RAD51C: variants seen among roughly 807,000 people sequenced by gnomAD.
The protein encoded by RAD51C is DNA repair protein RAD51 homolog 3.
Under a neutral mutation model 45.0 loss-of-function variants are expected in RAD51C, and 42 were observed. The observed-to-expected ratio is 0.93, with a 90% CI of 0.73 to 1.21. The LOEUF (loss-of-function observed/expected upper bound fraction) is 1.21, where lower values mean the gene tolerates loss of function less well. RAD51C is among the 50% of genes most tolerant of loss of function. RAD51C has a pLI of 0.00. For missense variants in RAD51C, 474 were observed against 452.2 expected (o/e 1.05, Z -0.44); for synonymous variants, 172 against 159.8 (o/e 1.08, Z -0.58).
At chr17:58,719,971 G>A (rs952388956) in intron 5 of RAD51C, among the ~76,000 whole-genome samples, 7 of 150,456 alleles carry the variant, frequency 4.7e-5, no homozygotes, top group African/African-American at 9.8e-5. Flanking sequence ...CTCGTGATCC[G>A]CTCACCCTGT....
In RAD51C at chr17:58,734,125, G is replaced by A. The variant is rs1489906607; in HGVS notation, c.1034G>A (p.Gly345Glu). ...CTVLFQIKPQ[G>E]FRDTVVTSAC... ...ATATTTTTTATCTTTCAGCCTCAGG[G>A]ATTTAGAGATACTGTTGTTACTTCT... Residue 345 changes from glycine (G) to glutamate (E), a missense_variant, in exon 9 of 9, where the codon GGA becomes GAA. Gly to Glu is a moderately conservative substitution (Grantham distance 98). Coordinates refer to ENST00000337432, the MANE Select transcript of RAD51C (RefSeq NM_058216.3). 1.2e-6 allele frequency: 2 copies of A among 1,612,964 alleles called. No individual in the cohort carries two copies. Among genetic ancestry groups the A allele is most frequent in the Non-Finnish European group, 1.7e-6 (2 of 1,179,406 alleles).
At chr17:58,697,198 A>G (rs529587755) in intron 3 of RAD51C, among the ~76,000 whole-genome samples, 8 of 152,314 alleles carry the variant, frequency 5.3e-5, no homozygotes, top group Admixed American at 3.9e-4. Flanking sequence ...TTTCCAATGT[A>G]TAAGGACTTC....
intron 7 of RAD51C, among the ~76,000 whole-genome samples, chr17:58,727,940 A>T (rs904043097): frequency 6.6e-6 from 1 of 151,660 alleles, no homozygotes; most frequent in African/African-American, 2.4e-5. Flanking sequence ...AGATATTAAA[A>T]AAAAAAAAAA....
At chr17:58,704,659 A>G (rs1282284404) in intron 4 of RAD51C, among the ~76,000 whole-genome samples, 1 of 152,004 alleles carries the variant, frequency 6.6e-6, no homozygotes. Context: ...ATTTGAACCC[A>G]GTCTCTCTCC....
chr17:58,732,502 G>A lies in RAD51C; in HGVS notation c.984G>A (p.Lys328=), dbSNP rs2144045008. 8.1e-6 allele frequency: 13 copies of A among 1,613,312 alleles called. No homozygotes were observed. The highest frequency in any genetic ancestry group is 1.1e-5 in the Non-Finnish European group (13 of 1,179,472). The change falls in exon 8 of 9, where the codon AAG becomes AAA. Residue 328 remains lysine, a synonymous_variant. Transcript: ENST00000337432. ...TAAGCAGGTTGGCAACATTGTACAA[G>A]TCACCCAGCCAGAAGGAATGCACAG... The part of the protein sequence containing the change: ...DRKQRLATLY[K]SPSQKECTVL...
chr17:58,709,319 C>T (rs2048474999), intron 4 of RAD51C, among the ~76,000 whole-genome samples: 1 of 151,882 alleles, frequency 6.6e-6, no homozygotes, highest in Non-Finnish European at 1.5e-5. Flanking sequence ...CCTCGTGATC[C>T]ACCTGCCTCG....
At chr17:58,703,087 A>T in intron 3 of RAD51C, 109 bp from the exon 4 acceptor site, 1 of 1,219,256 alleles carries the variant, frequency 8.2e-7, no homozygotes, top group Non-Finnish European at 1.2e-6. Flanking sequence ...TCAGTTAAAG[A>T]ATTTTGTTAT....
Position 58,695,116 on chromosome 17 carries a change from C to T in RAD51C, c.331C>T (p.Leu111Phe), listed in dbSNP as rs1402638488. ...CTTCTGTTCAGCACTAGATGATATT[C>T]TTGGGGGTGGAGTGCCCTTAATGAA... ...ITFCSALDDI[L>F]GGGVPLMKTT... The change falls in exon 2 of 9, where the codon CTT becomes TTT. Residue 111 changes from leucine (L) to phenylalanine (F), a missense_variant. By Grantham distance (22) the Leu-to-Phe change is conservative. Coordinates refer to ENST00000337432, the MANE Select transcript of RAD51C (RefSeq NM_058216.3). 5.6e-6 allele frequency: 9 copies of T among 1,613,990 alleles called. No individual in the cohort carries two copies. In the Admixed American group the frequency reaches 1.5e-4, roughly 27 times the overall value.
chr17:58,693,702 G>A (rs779057634), intron 1 of RAD51C: 4 of 152,046 alleles, frequency 2.6e-5, no homozygotes, highest in Non-Finnish European at 4.4e-5. Flanking sequence ...ACTTTAGATG[G>A]TCTTGATATT....
At chr17:58,695,646 G>A (rs2047976823) in intron 2 of RAD51C, among the ~76,000 whole-genome samples, 1 of 152,120 alleles carries the variant, frequency 6.6e-6, no homozygotes, top group African/African-American at 2.4e-5. Context: ...TTAGCTGAGT[G>A]TGGTGGCACA....
At chr17:58,718,527 C>G (rs564410727) in intron 5 of RAD51C, among the ~76,000 whole-genome samples, 1 of 152,256 alleles carries the variant, frequency 6.6e-6, no homozygotes, top group Admixed American at 6.5e-5. Context: ...CTTTTGTTTT[C>G]CCTGCTTTAT....
chr17:58,733,649 G>C (rs2049534210), intron 8 of RAD51C, among the ~76,000 whole-genome samples: 1 of 152,142 alleles, frequency 6.6e-6, no homozygotes, highest in Non-Finnish European at 1.5e-5. Context: ...TCTTAATATA[G>C]CCCGGGCTTT....
In RAD51C at chr17:58,694,996, A is replaced by T. The variant is rs876659936; in HGVS notation, c.211A>T (p.Asn71Tyr). ...LQIIRRECLT[N>Y]KPRYAGTSES... is the part of the protein sequence containing the mutation. The stretch of plus-strand genomic sequence containing the variant: ...AATTATCAGAAGAGAATGTCTCACA[A>T]ATAAACCAAGATATGCTGGTACATC... The change falls in exon 2 of 9, where the codon AAT becomes TAT. Residue 71 changes from asparagine to tyrosine, a missense_variant. Transcript: ENST00000337432. 1 of 1,614,168 alleles carries T rather than the reference A, an allele frequency of 6.2e-7. No individual in the cohort carries two copies. The highest frequency in any genetic ancestry group is 1.7e-5 in the Admixed American group (1 of 60,014).
At position 58,692,804 on chromosome 17, in the gene RAD51C, G is replaced by C. The variant is rs1471520258; in HGVS notation, c.145+16G>C. The C allele has an allele frequency of 1.9e-6, 3 of 1,614,094 alleles. No individual in the cohort carries two copies. The South Asian group carries it at 3.3e-5, about 18-fold the overall frequency. On this transcript the variant is annotated intron_variant, in intron 1 of 8. Coordinates refer to ENST00000337432, the MANE Select transcript of RAD51C (RefSeq NM_058216.3). Reference sequence around the variant, plus strand: ...CTTAGCAAAGGTAACGACTCCTGATGGCAAGCTGAGGCACACCGGCCGCCG... The same window carrying C: ...CTTAGCAAAGGTAACGACTCCTGATCGCAAGCTGAGGCACACCGGCCGCCG...
chr17:58,732,857 C>A, intron 8 of RAD51C: 1 of 330,138 alleles, frequency 3.0e-6, no homozygotes, highest in Non-Finnish European at 5.7e-6. Flanking sequence ...AGAAAAAATA[C>A]TAACATTACT....
intron 4 of RAD51C, 108 bp downstream of exon 4, chr17:58,703,437 T>A (rs2048280263): frequency 8.2e-7 from 1 of 1,224,408 alleles, no homozygotes. Flanking sequence ...CAAAGCCAAT[T>A]GAGAAAATCT....
chr17:58,718,722 T>C (rs999263339), intron 5 of RAD51C, among the ~76,000 whole-genome samples: 1 of 152,178 alleles, frequency 6.6e-6, no homozygotes, highest in Admixed American at 6.5e-5. Context: ...ATTTTTTTTT[T>C]CCTAGTTCAT....
chr17:58,733,585 A>G (rs569454675), intron 8 of RAD51C, among the ~76,000 whole-genome samples: 18 of 152,296 alleles, frequency 1.2e-4, no homozygotes, highest in African/African-American at 4.1e-4. Flanking sequence ...TTATAATGCA[A>G]TGTTATTTCT....
chr17:58,728,597 C>T (rs936201212), intron 7 of RAD51C, among the ~76,000 whole-genome samples: 2 of 151,758 alleles, frequency 1.3e-5, no homozygotes, highest in South Asian at 2.1e-4. Context: ...GGGGTTTTGC[C>T]GTGTTGCCCA....
Sources: gnomAD v4.1 joint callset for allele counts (sites outside exome capture counted in the v4.1 genomes callset) on GRCh38, gnomAD v4.1.1 for gene constraint, MANE v1.5 for transcripts, NCBI Gene and HGNC (gene_info 2026-07-23, HGNC 2026-07-21) for gene names.